Variants in NRG1 observed in about 807,000 individuals in gnomAD.
NRG1 encodes pro-neuregulin-1, membrane-bound isoform.
A neutral mutation model predicts 63.8 loss-of-function variants in NRG1; 18 were observed. The ratio of observed to expected loss-of-function variants is 0.28; its 90% confidence interval spans 0.19 to 0.42. The LOEUF (loss-of-function observed/expected upper bound fraction) is 0.42. NRG1 is among the 10% of genes least tolerant of loss of function. The pLI, the probability that NRG1 is intolerant of heterozygous loss-of-function variation, is 1.00. For missense variants in NRG1, 762 were observed against 814.7 expected, an observed-to-expected ratio of 0.94 and a Z score of 0.79; for synonymous variants, 302 against 301.3, an observed-to-expected ratio of 1.00 and a Z score of -0.02.
At chr8:31,671,901 C>T (rs1807191350) in intron 1 of NRG1, among the ~76,000 whole-genome samples, 1 of 151,998 alleles carries the variant, frequency 6.6e-6, no homozygotes, top group South Asian at 2.1e-4. Context: ...TATGTTAGGT[C>T]TCTCACAATC....
At chr8:31,856,964 G>T (rs1328007214) in intron 1 of NRG1, among the ~76,000 whole-genome samples, 3 of 152,186 alleles carry the variant, frequency 2.0e-5, no homozygotes, top group Admixed American at 6.5e-5. Flanking sequence ...GAGGCAGTCT[G>T]CCCATTCTCA....
At chr8:32,084,329 A>G (rs1427954045) in intron 1 of NRG1, among the ~76,000 whole-genome samples, 1 of 152,138 alleles carries the variant, frequency 6.6e-6, no homozygotes, top group Admixed American at 6.6e-5. Flanking sequence ...CAGAAACATG[A>G]TTAGAACATA....
intron 1 of NRG1, among the ~76,000 whole-genome samples, chr8:31,742,455 A>ATTTTTTTTTT (rs36040084): frequency 0.021 from 1,650 of 79,904 alleles, 134 homozygotes; most frequent in Non-Finnish European, 0.028. Flanking sequence ...TTTTTTAAGA[A>ATTTTTTTTTT]TTTTTTTTTT....
intron 1 of NRG1, among the ~76,000 whole-genome samples, chr8:32,116,984 A>T (rs1237646184): frequency 6.6e-6 from 1 of 150,882 alleles, no homozygotes; most frequent in Non-Finnish European, 1.5e-5. Flanking sequence ...AAAAAAAAAA[A>T]AAAAAAAAAA....
intron 1 of NRG1, among the ~76,000 whole-genome samples, chr8:32,016,651 A>G (rs1482142259): frequency 6.6e-6 from 1 of 152,184 alleles, no homozygotes; most frequent in Non-Finnish European, 1.5e-5. Flanking sequence ...TTGAGAATTT[A>G]TCTTTCTCTG....
intron 5 of NRG1, among the ~76,000 whole-genome samples, chr8:32,675,882 CTTGT>C (rs1401433432): frequency 1.3e-5 from 2 of 152,042 alleles, no homozygotes; most frequent in African/African-American, 2.4e-5. Context: ...GTTAATTTGT[CTTGT>C]TTATTTGGCC....
chr8:32,539,596 A>G (rs1238879760), intron 1 of NRG1, among the ~76,000 whole-genome samples: 1 of 152,216 alleles, frequency 6.6e-6, no homozygotes, highest in Non-Finnish European at 1.5e-5. Flanking sequence ...GTCTTTGGGC[A>G]TGTTTAGTTT....
At chr8:31,969,699 C>G (rs1806960649) in intron 1 of NRG1, among the ~76,000 whole-genome samples, 1 of 152,204 alleles carries the variant, frequency 6.6e-6, no homozygotes, top group South Asian at 2.1e-4. Context: ...CTTTGCTCTA[C>G]TCCCTTACAC....
intron 5 of NRG1, among the ~76,000 whole-genome samples, chr8:32,654,490 G>A (rs748881579): frequency 6.6e-6 from 1 of 151,956 alleles, no homozygotes; most frequent in Non-Finnish European, 1.5e-5. Context: ...TTAGCCAGGG[G>A]TGGGGGTTCA....
At chr8:32,673,769 G>T (rs1323672922) in intron 5 of NRG1, among the ~76,000 whole-genome samples, 1 of 152,146 alleles carries the variant, frequency 6.6e-6, no homozygotes, top group Non-Finnish European at 1.5e-5. Flanking sequence ...CCCATGAATT[G>T]TGCGGTCAGC....
At chr8:32,644,334 G>C (rs1853024222) in intron 5 of NRG1, among the ~76,000 whole-genome samples, 1 of 152,136 alleles carries the variant, frequency 6.6e-6, no homozygotes, top group Non-Finnish European at 1.5e-5. Context: ...TATCCTTGCA[G>C]TTTTTCCTAC....
At chr8:32,594,503 A>G (rs1029940884) in intron 1 of NRG1, among the ~76,000 whole-genome samples, 1 of 152,214 alleles carries the variant, frequency 6.6e-6, no homozygotes, top group Non-Finnish European at 1.5e-5. Context: ...GACATACTAT[A>G]TAGAATTGCA....
chr8:32,454,375 T>C (rs1007030539), intron 1 of NRG1, among the ~76,000 whole-genome samples: 13 of 152,212 alleles, frequency 8.5e-5, no homozygotes, highest in African/African-American at 2.9e-4. Flanking sequence ...CACTCATGTA[T>C]GGCCTTTACT....
At chr8:32,285,925 T>C (rs1853468068) in intron 1 of NRG1, among the ~76,000 whole-genome samples, 1 of 152,170 alleles carries the variant, frequency 6.6e-6, no homozygotes, top group African/African-American at 2.4e-5. Context: ...GAGCTCTCAA[T>C]TGAGCCATAA....
chr8:32,614,400 C>A, intron 3 of NRG1, 114 bp from the exon 4 acceptor site: 1 of 954,536 alleles, frequency 1.0e-6, no homozygotes, highest in Non-Finnish European at 1.7e-6. Context: ...TTTTCTCACT[C>A]CCTTGCAATA....
intron 1 of NRG1, among the ~76,000 whole-genome samples, chr8:31,990,968 A>T (rs1403599163): frequency 1.3e-5 from 2 of 152,062 alleles, no homozygotes; most frequent in African/African-American, 4.8e-5. Flanking sequence ...AGAAGTGAAA[A>T]TTCTGGTTAA....
At chr8:31,730,469 A>C (rs550277590) in intron 1 of NRG1, among the ~76,000 whole-genome samples, 126 of 152,298 alleles carry the variant, frequency 8.3e-4, no homozygotes, top group Middle Eastern at 3.4e-3. Flanking sequence ...ATACACACAC[A>C]TAACTATTGA....
intron 1 of NRG1, among the ~76,000 whole-genome samples, chr8:32,556,008 C>T: frequency 6.6e-6 from 1 of 152,192 alleles, no homozygotes; most frequent in Non-Finnish European, 1.5e-5. Flanking sequence ...CTTTGATGGG[C>T]AGGGAGCTGC....
intron 1 of NRG1, among the ~76,000 whole-genome samples, chr8:32,158,447 T>TTATATATATATATATA (rs1563852043): frequency 3.3e-5 from 1 of 30,272 alleles, no homozygotes; most frequent in African/African-American, 1.2e-4. Flanking sequence ...TTGGTTTACA[T>TTATATATATATATATA]GATATATATA....
Sources: allele counts gnomAD v4.1 joint callset (sites outside exome capture counted in the v4.1 genomes callset), GRCh38; gene constraint gnomAD v4.1.1; transcripts MANE v1.5; gene names NCBI Gene and HGNC (gene_info 2026-07-23, HGNC 2026-07-21).